The following MCF2L variants were observed in gnomAD, a reference collection of about 807,000 sequenced individuals.
MCF2L encodes the protein guanine nucleotide exchange factor DBS.
MCF2L carries 97 observed loss-of-function variants against 153.4 expected under a neutral mutation model. That is an observed-to-expected ratio of 0.63 (90% CI 0.54 to 0.75). MCF2L has a LOEUF of 0.75. MCF2L is among the 30% of genes least tolerant of loss of function. The pLI is 0.00. For missense variants in MCF2L, 1,347 were observed against 1,495.2 expected (o/e 0.90, Z 1.64); for synonymous variants, 659 against 632.2 (o/e 1.04, Z -0.64).
intron 2 of MCF2L, among the ~76,000 whole-genome samples, chr13:112,945,004 T>TTTC (rs2081622973): frequency 6.6e-6 from 1 of 150,606 alleles, no homozygotes; most frequent in African/African-American, 2.4e-5. Flanking sequence ...CACCACTATT[T>TTTC]TTTTTTTTTT....
Position 113,031,533 on chromosome 13 carries a change from A to C in MCF2L, c.278+6775A>C, listed in dbSNP as rs2085723421. 1.3e-5 allele frequency among the ~76,000 whole-genome samples: 2 copies of C among 151,746 alleles called. No individual in the cohort carries two copies. Among genetic ancestry groups the C allele is most frequent in the Admixed American group, 1.3e-4 (2 of 15,238 alleles). On this transcript the variant is annotated intron_variant, in intron 3 of 29. Coordinates refer to ENST00000535094, the MANE Select transcript of MCF2L (RefSeq NM_001112732.3). The surrounding 1 kb of genome is among the most constrained non-coding windows in gnomAD (Gnocchi z 5.5). ...TTCTGAGGAGCTGTGTTTTCTGTGAAGTGGGTGCCAAAGAGTTCATGAGCT... is the reference window on the plus strand; with the variant it reads ...TTCTGAGGAGCTGTGTTTTCTGTGACGTGGGTGCCAAAGAGTTCATGAGCT...
intron 1 of MCF2L, among the ~76,000 whole-genome samples, chr13:112,996,274 CG>C (rs937362076): frequency 6.6e-6 from 1 of 152,168 alleles, no homozygotes; most frequent in Non-Finnish European, 1.5e-5. Flanking sequence ...GAGCCGAGAT[CG>C]CATTATTCCA....
chr13:112,976,765 C>T (rs1027711425), intron 1 of MCF2L, among the ~76,000 whole-genome samples: 17 of 152,248 alleles, frequency 1.1e-4, no homozygotes, highest in East Asian at 5.8e-4. Flanking sequence ...GGCGGGAAGA[C>T]GACAGAGCCG....
intron 3 of MCF2L, among the ~76,000 whole-genome samples, chr13:113,034,431 C>T (rs1469941934): frequency 2.0e-5 from 3 of 152,238 alleles, no homozygotes; most frequent in Non-Finnish European, 4.4e-5. Context: ...GCCACCATGC[C>T]CGGCCAGGCA....
At chr13:112,927,825 A>G (rs1404565262) in intron 2 of MCF2L, among the ~76,000 whole-genome samples, 1 of 152,192 alleles carries the variant, frequency 6.6e-6, no homozygotes, top group Non-Finnish European at 1.5e-5. Context: ...CTACATGACA[A>G]ATGACCTGGT....
chr13:113,012,545 C>T lies in MCF2L; in HGVS notation c.80-2218C>T, dbSNP rs1428003658. Among the ~76,000 whole-genome samples, 21 of 102,170 alleles carry T rather than the reference C, an allele frequency of 2.1e-4. 1 individual carries two copies. The highest frequency in any genetic ancestry group is 3.5e-4 in the Non-Finnish European group (17 of 47,994). 67.0% of individuals were successfully genotyped at this position (102,170 alleles called of 152,430 possible). A position where few individuals can be genotyped will look rare whatever the true frequency, so the allele number is the denominator to read the frequency against. ...ACTGCAATGAGGACGGTGGACACTG[C>T]GATGAGGACAGTGGACAGGTGGTGT... On this transcript the variant is annotated intron_variant, in intron 1 of 29. Transcript: ENST00000535094.
At chr13:113,079,969 ACG>A (rs2141977482) in intron 15 of MCF2L, among the ~76,000 whole-genome samples, 1 of 40,160 alleles carries the variant, frequency 2.5e-5, no homozygotes, top group African/African-American at 1.1e-4. Flanking sequence ...AGGCAGAGGA[ACG>A]TCTGAATGGA....
chr13:113,020,788 ATGTGTAGATGTGTG>A (rs1009273949), intron 2 of MCF2L, among the ~76,000 whole-genome samples: 25 of 104,560 alleles, frequency 2.4e-4, no homozygotes, highest in African/African-American at 6.6e-4. Flanking sequence ...AGCTGTGTGT[ATGTGTAGATGTGTG>A]TATGTATAGT....
chr13:112,915,931 G>A (rs758796811), intron 2 of MCF2L, among the ~76,000 whole-genome samples: 11 of 151,978 alleles, frequency 7.2e-5, no homozygotes, highest in Non-Finnish European at 1.3e-4. Flanking sequence ...GGGCGCAGTG[G>A]CTCACGCCTG....
In MCF2L at chr13:112,969,325, C is replaced by A; in HGVS notation, c.-55C>A. The A allele has an allele frequency of 6.5e-7, 1 of 1,545,262 alleles. No homozygotes were observed. The highest frequency in any genetic ancestry group is 1.2e-5 in the South Asian group (1 of 83,758). ...GCACTCGCACGGCCCCACCCGCAGGCGCCCCCCGTGCGGAGGAAGCGGATC... is the reference window on the plus strand; with the variant it reads ...GCACTCGCACGGCCCCACCCGCAGGAGCCCCCCGTGCGGAGGAAGCGGATC... On this transcript the variant is annotated 5_prime_UTR_variant, in exon 1 of 30. Transcript: ENST00000535094. The surrounding 1 kb of genome is among the most constrained non-coding windows in gnomAD (Gnocchi z 4.8).
At chr13:113,095,902 A>G in intron 27 of MCF2L, 1 of 645,366 alleles carries the variant, frequency 1.5e-6, no homozygotes, top group Non-Finnish European at 2.0e-6. Context: ...CAGCACAGAC[A>G]GGAACCTCCA....
intron 2 of MCF2L, among the ~76,000 whole-genome samples, chr13:113,018,892 C>T (rs1420290289): frequency 1.3e-5 from 2 of 152,188 alleles, no homozygotes; most frequent in East Asian, 1.9e-4. Context: ...TTTGCTTTTA[C>T]GGGAATGTGG....
rs578251383 is a variant in MCF2L at position 113,046,814 on chromosome 13, A to G, written c.369+1453A>G. On this transcript the variant is annotated intron_variant, in intron 4 of 29. Transcript: ENST00000535094. This position sits in a 1 kb window ranked among gnomAD's most constrained non-coding sequence, Gnocchi z 4.4. ...TGGCATCGTTATCTGAAATAATTCA[A>G]AACGCTTCAGGATGCTTCCAAAAAA... is the stretch of plus-strand genomic sequence containing the variant. 59 of 389,272 alleles carry G rather than the reference A, an allele frequency of 1.5e-4. No homozygotes were observed. Among genetic ancestry groups the G allele is most frequent in the African/African-American group, 1.2e-3 (56 of 47,578 alleles). 24.1% of individuals were successfully genotyped at this position (389,272 alleles called of 1,614,324 possible).
Position 113,028,649 on chromosome 13 carries a change from C to T in MCF2L, c.278+3891C>T, listed in dbSNP as rs960320795. On this transcript the variant is annotated intron_variant, in intron 3 of 29. Coordinates refer to ENST00000535094, the MANE Select transcript of MCF2L (RefSeq NM_001112732.3). This position sits in a 1 kb window ranked among gnomAD's most constrained non-coding sequence, Gnocchi z 5.4. The stretch of plus-strand genomic sequence containing the variant: ...TGGAAACTCAGGTTTTCTGGTCACA[C>T]TTAGATAATAAAAAGTGGAAGAGGC... 1.3e-5 allele frequency among the ~76,000 whole-genome samples: 2 copies of T among 152,218 alleles called. No individual in the cohort carries two copies. Among genetic ancestry groups the T allele is most frequent in the Non-Finnish European group, 2.9e-5 (2 of 68,046 alleles).
At chr13:112,908,216 G>A (rs1348728092) in intron 2 of MCF2L, among the ~76,000 whole-genome samples, 1 of 152,190 alleles carries the variant, frequency 6.6e-6, no homozygotes, top group East Asian at 1.9e-4. Flanking sequence ...TGGCATGGGG[G>A]CACAGGTGCT....
intron 4 of MCF2L, among the ~76,000 whole-genome samples, chr13:113,055,486 A>G (rs1303879401): frequency 6.7e-6 from 1 of 150,094 alleles, no homozygotes; most frequent in Non-Finnish European, 1.5e-5. Context: ...GCTTGTCCTT[A>G]AAGATCCAGG....
intron 1 of MCF2L, among the ~76,000 whole-genome samples, chr13:112,898,030 C>G (rs1187672598): frequency 6.6e-6 from 1 of 152,246 alleles, no homozygotes; most frequent in African/African-American, 2.4e-5. Flanking sequence ...AGCCTTCACT[C>G]TTTAGGGAAG....
chr13:112,985,517 G>A, intron 1 of MCF2L: 1 of 469,614 alleles, frequency 2.1e-6, no homozygotes, highest in South Asian at 1.5e-5. Context: ...CTCGCAGGTG[G>A]TGTGCTCGGA....
At chr13:112,933,845 A>G (rs1219509750) in intron 2 of MCF2L, among the ~76,000 whole-genome samples, 1 of 152,174 alleles carries the variant, frequency 6.6e-6, no homozygotes. Flanking sequence ...CCGAGGATAC[A>G]TTTCTTAACA....
Sources: allele counts gnomAD v4.1 joint callset (sites outside exome capture counted in the v4.1 genomes callset), GRCh38; gene constraint gnomAD v4.1.1; non-coding constraint Gnocchi (gnomAD v3.1); transcripts MANE v1.5; gene names NCBI Gene and HGNC (gene_info 2026-07-23, HGNC 2026-07-21).